The following EBF3 variants were observed in gnomAD, a reference collection of about 807,000 sequenced individuals.
EBF3 encodes EBF transcription factor 3.
EBF3 carries 18 observed loss-of-function variants against 77.1 expected under a neutral mutation model. That is an observed-to-expected ratio of 0.23 (90% CI 0.16 to 0.35). EBF3 has a LOEUF of 0.35. Among genes scored for constraint, EBF3 ranks in the 10% least tolerant of loss-of-function variants. The probability of loss-of-function intolerance (pLI) is 1.00; values close to 1 mark genes in which losing one functional copy is unlikely to be tolerated. For synonymous variants in EBF3, 350 were observed against 343.5 expected (o/e 1.02, Z -0.21); for missense variants, 558 against 860.0 (o/e 0.65, Z 4.39).
intron 6 of EBF3, among the ~76,000 whole-genome samples, chr10:129,917,854 A>G (rs1045538041): frequency 7.9e-5 from 12 of 152,090 alleles, no homozygotes; most frequent in African/African-American, 2.9e-4. Context: ...CCTCATCTTT[A>G]AAATTAGGTA....
At position 129,935,987 on chromosome 10, in the gene EBF3, G is replaced by C. The variant is rs577291200; in HGVS notation, c.554+21271C>G. On this transcript the variant is annotated intron_variant, in intron 6 of 16. Transcript: ENST00000440978. The surrounding 1 kb of genome is among the most constrained non-coding windows in gnomAD (Gnocchi z 4.2). The stretch of plus-strand genomic sequence containing the variant: ...GGGGCTTCCTGAAGCTGCCCCCCCC[G>C]CCCAACAATGCAGCTGGTGCCCAGG... Among the ~76,000 whole-genome samples, 2,356 of 136,784 alleles carry C rather than the reference G, an allele frequency of 0.017. 57 individuals are homozygous for C. The highest frequency in any genetic ancestry group is 0.072 in the African/African-American group (2,130 of 29,452). The allele number at this position is 136,784 out of a possible 152,430, so 89.7% of individuals were successfully genotyped here. A position where few individuals can be genotyped will look rare whatever the true frequency, so the allele number is the denominator to read the frequency against.
chr10:129,930,827 T>C (rs542946597), intron 6 of EBF3, among the ~76,000 whole-genome samples: 18 of 143,876 alleles, frequency 1.3e-4, no homozygotes, highest in Admixed American at 5.5e-4. Context: ...CTCTCATATA[T>C]CTATATCTGT....
chr10:129,884,450 T>A (rs925245521), intron 6 of EBF3, among the ~76,000 whole-genome samples: 1 of 152,234 alleles, frequency 6.6e-6, no homozygotes, highest in Non-Finnish European at 1.5e-5. Flanking sequence ...CGTTCTTTAA[T>A]GCCATACGGG....
chr10:129,930,706 C>G (rs1458394333), intron 6 of EBF3, among the ~76,000 whole-genome samples: 1 of 141,146 alleles, frequency 7.1e-6, no homozygotes, highest in Non-Finnish European at 1.5e-5. Flanking sequence ...TTAACAAATC[C>G]CCCTCTCATA....
chr10:129,953,363 A>G (rs144345001), intron 6 of EBF3, among the ~76,000 whole-genome samples: 329 of 152,330 alleles, frequency 2.2e-3, no homozygotes, highest in African/African-American at 7.6e-3. Flanking sequence ...AAATTTTATA[A>G]CAGCTGTTAA....
At chr10:129,925,591 CAAAAA>C (rs11368338) in intron 6 of EBF3, among the ~76,000 whole-genome samples, 5 of 114,594 alleles carry the variant, frequency 4.4e-5, no homozygotes, top group African/African-American at 6.7e-5. Flanking sequence ...GACTCCATCT[CAAAAA>C]AAAAAAAAAA....
chr10:129,902,145 G>A (rs901834285), intron 6 of EBF3, among the ~76,000 whole-genome samples: 3 of 151,836 alleles, frequency 2.0e-5, no homozygotes, highest in South Asian at 2.1e-4. Context: ...TTCATCTAGC[G>A]CCACACTTAG....
intron 6 of EBF3, among the ~76,000 whole-genome samples, chr10:129,899,086 A>G (rs372597261): frequency 2.0e-5 from 3 of 148,598 alleles, no homozygotes; most frequent in African/African-American, 7.3e-5. Context: ...GCCTCCGCGC[A>G]GCCTTGAATC....
At chr10:129,930,076 T>C (rs1461526862) in intron 6 of EBF3, among the ~76,000 whole-genome samples, 7 of 152,190 alleles carry the variant, frequency 4.6e-5, no homozygotes, top group African/African-American at 1.7e-4. Context: ...CCCCTGTCCC[T>C]GGACATCAGA....
chr10:129,945,639 A>G (rs1348903557), intron 6 of EBF3, among the ~76,000 whole-genome samples: 1 of 152,220 alleles, frequency 6.6e-6, no homozygotes, highest in Non-Finnish European at 1.5e-5. Context: ...TCTCTGTAAC[A>G]TGACAGTTAA....
intron 6 of EBF3, among the ~76,000 whole-genome samples, chr10:129,881,930 T>C (rs566556112): frequency 2.6e-5 from 4 of 152,204 alleles, no homozygotes; most frequent in Non-Finnish European, 2.9e-5. Context: ...GTTGTGTTTG[T>C]TTCAGAGTCC....
intron 16 of EBF3, among the ~76,000 whole-genome samples, chr10:129,838,503 C>T (rs181386961): frequency 1.3e-5 from 2 of 152,312 alleles, no homozygotes; most frequent in Admixed American, 1.3e-4. Flanking sequence ...GTCAGGGGCT[C>T]TCCAGAATCA....
At chr10:129,958,667 A>T (rs1047035468) in intron 5 of EBF3, among the ~76,000 whole-genome samples, 7 of 152,106 alleles carry the variant, frequency 4.6e-5, no homozygotes, top group African/African-American at 1.7e-4. Context: ...CATCACCCAG[A>T]CCTGTTTTCA....
intron 6 of EBF3, among the ~76,000 whole-genome samples, chr10:129,884,870 A>G (rs1853463676): frequency 6.6e-6 from 1 of 152,216 alleles, no homozygotes; most frequent in Non-Finnish European, 1.5e-5. Context: ...GCCCGTCTCT[A>G]GTGGACTCCA....
chr10:129,860,472 AATACC>A (rs1851540140), intron 10 of EBF3, among the ~76,000 whole-genome samples: 2 of 152,194 alleles, frequency 1.3e-5, no homozygotes, highest in Non-Finnish European at 2.9e-5. Flanking sequence ...CTGAAGAGTC[AATACC>A]TTCACCTTGA....
chr10:129,907,108 T>C (rs1282754110), intron 6 of EBF3, among the ~76,000 whole-genome samples: 1 of 152,234 alleles, frequency 6.6e-6, no homozygotes, highest in Admixed American at 6.5e-5. Context: ...GTATACAGCC[T>C]CGGCCTGCCA....
intron 6 of EBF3, among the ~76,000 whole-genome samples, chr10:129,891,819 G>T (rs553363661): frequency 2.8e-4 from 43 of 152,184 alleles, no homozygotes; most frequent in African/African-American, 9.2e-4. Context: ...AGTGGCTCAC[G>T]GCGTCTCTGA....
intron 7 of EBF3, 91 bp downstream of exon 7, chr10:129,877,677 A>G: frequency 8.9e-7 from 1 of 1,119,810 alleles, no homozygotes; most frequent in East Asian, 2.4e-5. Context: ...AAAGAACTCA[A>G]GATTACTTCC....
chr10:129,902,247 T>TTC (rs35444019), intron 6 of EBF3, among the ~76,000 whole-genome samples: 3 of 148,928 alleles, frequency 2.0e-5, no homozygotes, highest in Non-Finnish European at 4.5e-5. Context: ...TTTTTTTTTT[T>TTC]ACTATGTTTC....
Sources: gnomAD v4.1 joint callset for allele counts (sites outside exome capture counted in the v4.1 genomes callset) on GRCh38, gnomAD v4.1.1 for gene constraint, Gnocchi (gnomAD v3.1) non-coding constraint, MANE v1.5 for transcripts, NCBI Gene and HGNC (gene_info 2026-07-23, HGNC 2026-07-21) for gene names.